The following LIPC variants were observed in gnomAD, a reference collection of about 807,000 sequenced individuals.
LIPC encodes the protein hepatic triacylglycerol lipase.
In LIPC, 44 loss-of-function variants were observed where a neutral mutation model predicts 50.7. The observed-to-expected ratio is 0.87, with a 90% confidence interval of 0.68 to 1.11. LIPC has a LOEUF of 1.11. Among genes scored for constraint, LIPC ranks in the 50% most tolerant of loss-of-function variants. The pLI is 0.00. For synonymous variants in LIPC, 271 were observed against 256.4 expected (o/e 1.06, Z -0.54); for missense variants, 697 against 648.2 (o/e 1.08, Z -0.82).
At chr15:58,476,047 C>G (rs540751420) in intron 1 of LIPC, among the ~76,000 whole-genome samples, 1 of 152,350 alleles carries the variant, frequency 6.6e-6, no homozygotes, top group East Asian at 1.9e-4. Context: ...CAAGCACAGT[C>G]CATACATTGT....
chr15:58,509,086 G>A (rs1892252524), intron 1 of LIPC, among the ~76,000 whole-genome samples: 1 of 152,188 alleles, frequency 6.6e-6, no homozygotes, highest in Admixed American at 6.5e-5. Flanking sequence ...TATGTATGCA[G>A]GCAATTGTGG....
intron 1 of LIPC, among the ~76,000 whole-genome samples, chr15:58,450,959 G>A (rs1438903500): frequency 6.6e-6 from 1 of 152,088 alleles, no homozygotes; most frequent in South Asian, 2.1e-4. Context: ...TCTTTGCAGC[G>A]GGACTTCACA....
At chr15:58,539,112 G>T (rs756904969) in intron 2 of LIPC, among the ~76,000 whole-genome samples, 3 of 152,188 alleles carry the variant, frequency 2.0e-5, no homozygotes, top group Non-Finnish European at 2.9e-5. Context: ...CATAGTCCAA[G>T]ATGGCAGCTA....
chr15:58,513,265 G>A (rs977022323), intron 1 of LIPC, among the ~76,000 whole-genome samples: 2 of 152,168 alleles, frequency 1.3e-5, no homozygotes, highest in African/African-American at 2.4e-5. Flanking sequence ...TTTGCAGCCT[G>A]CCCCATTAAC....
At chr15:58,457,228 G>GCCT (rs549035328) in intron 1 of LIPC, among the ~76,000 whole-genome samples, 107 of 152,312 alleles carry the variant, frequency 7.0e-4, no homozygotes, top group Non-Finnish European at 1.1e-3. Context: ...TCCTGTCTCA[G>GCCT]CCTCCTGAGT....
In LIPC at chr15:58,469,101, T is replaced by TG. The variant is rs1384532299; in HGVS notation, c.88+36981_88+36982insG. Among the ~76,000 whole-genome samples, 30 of 119,816 alleles carry TG rather than the reference T, an allele frequency of 2.5e-4. No homozygotes were observed. The East Asian group carries it at 5.6e-3, about 22-fold the overall frequency. The allele number at this position is 119,816 out of a possible 152,430, so 78.6% of individuals were successfully genotyped here. ...TAACTTAAACGGCTTCAGGGAACATTTTGTGTGTGTGTGTGTGTGTGTGTG... is the reference window on the plus strand; with the variant it reads ...TAACTTAAACGGCTTCAGGGAACATTGTTGTGTGTGTGTGTGTGTGTGTGTG... On this transcript the variant is annotated intron_variant, in intron 1 of 8. Transcript: ENST00000299022.
intron 1 of LIPC, among the ~76,000 whole-genome samples, chr15:58,472,725 G>GA (rs1195408728): frequency 6.6e-6 from 1 of 152,040 alleles, no homozygotes; most frequent in Non-Finnish European, 1.5e-5. Context: ...ATTTAGATCA[G>GA]AAAAAATAAA....
chr15:58,471,188 A>G (rs567484837), intron 1 of LIPC, among the ~76,000 whole-genome samples: 2 of 144,600 alleles, frequency 1.4e-5, no homozygotes, highest in South Asian at 4.5e-4. Flanking sequence ...CCAGGCTGGA[A>G]TACAGTGGTG....
Position 58,538,459 on chromosome 15 carries a change from T to A in LIPC, c.215T>A (p.Leu72Ter). 1.2e-6 allele frequency: 2 copies of A among 1,614,204 alleles called. No homozygotes were observed. Among genetic ancestry groups the A allele is most frequent in the Non-Finnish European group, 1.7e-6 (2 of 1,180,036 alleles). The change falls in exon 2 of 9, where the codon TTA becomes TAA. Residue 72 changes from leucine (L) to a stop codon, truncating the protein, a stop_gained. Coordinates refer to ENST00000299022, the MANE Select transcript of LIPC (RefSeq NM_000236.3). LOFTEE classifies it high-confidence loss of function. Reference sequence around the variant, plus strand: ...ATTCGAATCAATCATCCGGACACGTTACAGGAGTGCGGCTTCAACTCCTCC... The same window carrying A: ...ATTCGAATCAATCATCCGGACACGTAACAGGAGTGCGGCTTCAACTCCTCC... ...CQIRINHPDT[L>*]QECGFNSSLP...
intron 6 of LIPC, among the ~76,000 whole-genome samples, chr15:58,560,273 C>G (rs1173539136): frequency 6.6e-6 from 1 of 152,082 alleles, no homozygotes; most frequent in African/African-American, 2.4e-5. Flanking sequence ...GATTTTAGGC[C>G]CAAGTTCTAG....
Position 58,563,672 on chromosome 15 carries a change from C to T in LIPC, c.1337C>T (p.Ser446Leu), listed in dbSNP as rs767759208. 1 of 1,614,012 alleles carries T rather than the reference C, an allele frequency of 6.2e-7. No homozygotes were observed. The highest frequency in any genetic ancestry group is 1.1e-5 in the South Asian group (1 of 91,062). Residue 446 changes from serine (S) to leucine (L), a missense_variant, in exon 8 of 9, where the codon TCA becomes TTA. Ser to Leu is a moderately radical substitution (Grantham distance 145, BLOSUM62 -2). Coordinates refer to ENST00000299022, the MANE Select transcript of LIPC (RefSeq NM_000236.3). ...IIPWSTGPRHSGLVLKTIRVK... is the reference protein window; with the variant it reads ...IIPWSTGPRHLGLVLKTIRVK... ...CCATGGAGCACAGGGCCGCGCCACTCAGGCCTCGTTCTGAAGACGATCAGA... is the reference window on the plus strand; with the variant it reads ...CCATGGAGCACAGGGCCGCGCCACTTAGGCCTCGTTCTGAAGACGATCAGA...
At chr15:58,486,403 A>C (rs1206238609) in intron 1 of LIPC, among the ~76,000 whole-genome samples, 1 of 152,122 alleles carries the variant, frequency 6.6e-6, no homozygotes, top group Non-Finnish European at 1.5e-5. Flanking sequence ...AGGCATGTGG[A>C]TTGCCCCTGC....
At chr15:58,443,284 G>A (rs1893567779) in intron 1 of LIPC, among the ~76,000 whole-genome samples, 1 of 152,136 alleles carries the variant, frequency 6.6e-6, no homozygotes, top group Non-Finnish European at 1.5e-5. Flanking sequence ...CTACTTATCA[G>A]AAGTTTCTGC....
At chr15:58,490,010 A>AAG (rs1477866246) in intron 1 of LIPC, among the ~76,000 whole-genome samples, 1 of 152,194 alleles carries the variant, frequency 6.6e-6, no homozygotes, top group Non-Finnish European at 1.5e-5. Flanking sequence ...GGGAAAAGAA[A>AAG]AAAACAGTAC....
chr15:58,476,090 A>C (rs1308849606), intron 1 of LIPC, among the ~76,000 whole-genome samples: 2 of 152,230 alleles, frequency 1.3e-5, no homozygotes, highest in East Asian at 3.8e-4. Context: ...GGAAGAGAGC[A>C]GTCCTGTTTG....
At chr15:58,486,629 C>G (rs190489779) in intron 1 of LIPC, among the ~76,000 whole-genome samples, 148 of 152,268 alleles carry the variant, frequency 9.7e-4, no homozygotes, top group African/African-American at 3.4e-3. Flanking sequence ...GGAGATGGCT[C>G]CTACCACCCA....
rs137977863 is a variant in LIPC, at chr15:58,525,742, G to A, written c.89-12591G>A. 6.9e-3 allele frequency among the ~76,000 whole-genome samples: 1,047 copies of A among 152,304 alleles called. 9 individuals carry two copies. The highest frequency in any genetic ancestry group is 0.024 in the African/African-American group (1,005 of 41,560). Reference sequence around the variant, plus strand: ...TGGTCCATCCAATCTGTTTAAATGAGGGTGATCCCAGATAACCTCAACATA... The same window carrying A: ...TGGTCCATCCAATCTGTTTAAATGAAGGTGATCCCAGATAACCTCAACATA... On this transcript the variant is annotated intron_variant, in intron 1 of 8. Coordinates refer to ENST00000299022, the MANE Select transcript of LIPC (RefSeq NM_000236.3).
At chr15:58,564,775 G>T (rs748590082) in intron 8 of LIPC, among the ~76,000 whole-genome samples, 1 of 151,926 alleles carries the variant, frequency 6.6e-6, no homozygotes, top group Non-Finnish European at 1.5e-5. Context: ...ATGCTCCAGC[G>T]CTCCTGAAGT....
At chr15:58,440,650 C>T (rs1326515959) in intron 1 of LIPC, among the ~76,000 whole-genome samples, 1 of 152,054 alleles carries the variant, frequency 6.6e-6, no homozygotes, top group African/African-American at 2.4e-5. Context: ...TTGGGAGAGG[C>T]GCATAATTTC....
Sources: gnomAD v4.1 joint callset for allele counts (sites outside exome capture counted in the v4.1 genomes callset) on GRCh38, gnomAD v4.1.1 for gene constraint, MANE v1.5 for transcripts, NCBI Gene and HGNC (gene_info 2026-07-23, HGNC 2026-07-21) for gene names.